GRID2: variants seen among roughly 807,000 people sequenced by gnomAD.
GRID2 encodes glutamate receptor ionotropic, delta-2.
Under a neutral mutation model 114.8 loss-of-function variants are expected in GRID2, and 33 were observed. The observed-to-expected ratio is 0.29, with a 90% CI of 0.22 to 0.38. The LOEUF (loss-of-function observed/expected upper bound fraction) is 0.38. GRID2 is among the 10% of genes least tolerant of loss of function. GRID2 has a pLI of 1.00. For synonymous variants in GRID2, 505 were observed against 449.9 expected, an observed-to-expected ratio of 1.12 and a Z score of -1.55; for missense variants, 1,184 against 1,257.7, an observed-to-expected ratio of 0.94 and a Z score of 0.89.
At chr4:92,801,846 A>G (rs990654352) in intron 2 of GRID2, among the ~76,000 whole-genome samples, 1 of 151,876 alleles carries the variant, frequency 6.6e-6, no homozygotes, top group African/African-American at 2.4e-5. Flanking sequence ...CTTATTTTAT[A>G]GATAAAGAAA....
At chr4:92,874,328 A>G (rs1354866342) in intron 2 of GRID2, among the ~76,000 whole-genome samples, 1 of 152,216 alleles carries the variant, frequency 6.6e-6, no homozygotes, top group Non-Finnish European at 1.5e-5. Flanking sequence ...ACATTCATTC[A>G]AAATAAAATG....
chr4:92,968,599 A>G (rs2149167395), intron 2 of GRID2, among the ~76,000 whole-genome samples: 1 of 152,034 alleles, frequency 6.6e-6, no homozygotes, highest in East Asian at 1.9e-4. Flanking sequence ...TATGGAGGTA[A>G]TTTAGAAAAC....
chr4:92,956,523 A>G (rs1752423099), intron 2 of GRID2, among the ~76,000 whole-genome samples: 1 of 152,128 alleles, frequency 6.6e-6, no homozygotes, highest in Non-Finnish European at 1.5e-5. Context: ...TTAGTGCTAA[A>G]TAATATTCCA....
chr4:92,993,295 A>G (rs1337531060), intron 2 of GRID2, among the ~76,000 whole-genome samples: 6 of 151,756 alleles, frequency 4.0e-5, no homozygotes, highest in Non-Finnish European at 4.4e-5. Context: ...TAGCATTAAA[A>G]AAAAAAAACA....
At chr4:92,714,571 A>G (rs1312376788) in intron 2 of GRID2, among the ~76,000 whole-genome samples, 1 of 152,114 alleles carries the variant, frequency 6.6e-6, no homozygotes, top group Non-Finnish European at 1.5e-5. Context: ...GCCTGCCACA[A>G]ACTTCTGCCT....
chr4:92,800,865 C>T (rs1460903986), intron 2 of GRID2, among the ~76,000 whole-genome samples: 2 of 152,088 alleles, frequency 1.3e-5, no homozygotes, highest in East Asian at 3.9e-4. Flanking sequence ...AATCTTAAAA[C>T]ACAGAACAGT....
intron 2 of GRID2, among the ~76,000 whole-genome samples, chr4:93,058,535 GTC>G (rs1727478446): frequency 6.6e-6 from 1 of 151,638 alleles, no homozygotes; most frequent in East Asian, 1.9e-4. Context: ...TTTTTTAGTT[GTC>G]CTTCCACACC....
intron 2 of GRID2, among the ~76,000 whole-genome samples, chr4:92,867,321 A>G (rs1744938771): frequency 6.6e-6 from 1 of 152,176 alleles, no homozygotes; most frequent in African/African-American, 2.4e-5. Context: ...CCTTACTGCA[A>G]TTAAGGAAAC....
At chr4:93,163,260 C>T (rs958524205) in intron 4 of GRID2, among the ~76,000 whole-genome samples, 4 of 149,258 alleles carry the variant, frequency 2.7e-5, no homozygotes, top group South Asian at 2.1e-4. Flanking sequence ...AATCTAAGAA[C>T]ATTATGGAGC....
chr4:93,011,664 A>G (rs1239534412), intron 2 of GRID2, among the ~76,000 whole-genome samples: 2 of 152,150 alleles, frequency 1.3e-5, no homozygotes, highest in East Asian at 1.9e-4. Flanking sequence ...ATTATTTTGT[A>G]TATTTAAGTT....
At chr4:93,201,808 A>C (rs1429742443) in intron 4 of GRID2, among the ~76,000 whole-genome samples, 1 of 152,208 alleles carries the variant, frequency 6.6e-6, no homozygotes, top group Non-Finnish European at 1.5e-5. Context: ...TGAATGATGG[A>C]AGACACAGTG....
chr4:92,709,589 A>AAAAAATATAT (rs779775767), intron 2 of GRID2, among the ~76,000 whole-genome samples: 28 of 114,630 alleles, frequency 2.4e-4, no homozygotes, highest in South Asian at 9.7e-4. Flanking sequence ...AAAAAAAAAA[A>AAAAAATATAT]ATATATATAT....
At chr4:93,443,487 A>G (rs1050839641) in intron 10 of GRID2, among the ~76,000 whole-genome samples, 1 of 152,094 alleles carries the variant, frequency 6.6e-6, no homozygotes, top group Admixed American at 6.6e-5. Context: ...AGAAACCATA[A>G]GGCAAAAAGT....
chr4:92,935,999 A>T (rs1750644864), intron 2 of GRID2, among the ~76,000 whole-genome samples: 1 of 146,510 alleles, frequency 6.8e-6, no homozygotes, highest in African/African-American at 2.4e-5. Flanking sequence ...ACTAACCTGC[A>T]CATTGTGCAC....
At chr4:93,121,720 A>G (rs1733797809) in intron 4 of GRID2, among the ~76,000 whole-genome samples, 1 of 152,170 alleles carries the variant, frequency 6.6e-6, no homozygotes, top group African/African-American at 2.4e-5. Context: ...TGATGCTGCC[A>G]GTTTCCCAAA....
chr4:92,802,893 G>A (rs959502824), intron 2 of GRID2, among the ~76,000 whole-genome samples: 1 of 151,900 alleles, frequency 6.6e-6, no homozygotes, highest in African/African-American at 2.4e-5. Flanking sequence ...ACTAGGAATG[G>A]TATCACTGCT....
At chr4:92,842,949 A>C (rs139476731) in intron 2 of GRID2, among the ~76,000 whole-genome samples, 1 of 152,152 alleles carries the variant, frequency 6.6e-6, no homozygotes, top group East Asian at 1.9e-4. Flanking sequence ...AAAACCAAAA[A>C]GAATTAAAGC....
chr4:93,184,093 G>A (rs534497874), intron 4 of GRID2, among the ~76,000 whole-genome samples: 1 of 152,142 alleles, frequency 6.6e-6, no homozygotes, highest in Non-Finnish European at 1.5e-5. Context: ...TTCATTGAAA[G>A]AAAATGGTTT....
chr4:92,311,204 G>T (rs1725692829), intron 1 of GRID2, among the ~76,000 whole-genome samples: 1 of 152,028 alleles, frequency 6.6e-6, no homozygotes, highest in Non-Finnish European at 1.5e-5. Context: ...TTTAGAATTT[G>T]CAAACTGGGA....
Sources: gnomAD v4.1 joint callset for allele counts (sites outside exome capture counted in the v4.1 genomes callset) on GRCh38, gnomAD v4.1.1 for gene constraint, MANE v1.5 for transcripts, NCBI Gene and HGNC (gene_info 2026-07-23, HGNC 2026-07-21) for gene names.